Variants in MGAT4C observed in about 807,000 individuals in gnomAD.
The protein encoded by MGAT4C is MGAT4 family member C.
MGAT4C carries 19 observed loss-of-function variants against 40.1 expected under a neutral mutation model. The ratio of observed to expected loss-of-function variants is 0.47; its 90% CI spans 0.33 to 0.70. The LOEUF is 0.70. Among genes scored for constraint, MGAT4C ranks in the 30% least tolerant of loss-of-function variants. MGAT4C has a pLI of 0.02. For missense variants in MGAT4C, 491 were observed against 563.2 expected (o/e 0.87, Z 1.30); for synonymous variants, 181 against 187.1 (o/e 0.97, Z 0.27).
intron 1 of MGAT4C, among the ~76,000 whole-genome samples, chr12:86,788,419 A>T (rs1397782535): frequency 6.6e-6 from 1 of 152,002 alleles, no homozygotes; most frequent in Non-Finnish European, 1.5e-5. Flanking sequence ...GGAGAAAAAA[A>T]TGGAAGGAGC....
At chr12:86,679,602 G>A (rs1179443336) in intron 2 of MGAT4C, among the ~76,000 whole-genome samples, 1 of 152,042 alleles carries the variant, frequency 6.6e-6, no homozygotes, top group African/African-American at 2.4e-5. Flanking sequence ...GGGGCCATTT[G>A]GAGGTGATTA....
At chr12:86,063,431 T>C (rs1894196420) in intron 1 of MGAT4C, among the ~76,000 whole-genome samples, 1 of 152,074 alleles carries the variant, frequency 6.6e-6, no homozygotes. Flanking sequence ...TACCAAATTG[T>C]AAAGGTCATT....
intron 1 of MGAT4C, among the ~76,000 whole-genome samples, chr12:86,186,066 G>A (rs1465653118): frequency 6.6e-6 from 1 of 152,118 alleles, no homozygotes; most frequent in African/African-American, 2.4e-5. Flanking sequence ...TTTAGCTATG[G>A]CCAAAGGACT....
intron 2 of MGAT4C, 75 bp downstream of exon 2, chr12:86,049,599 T>A (rs1892710624): frequency 1.3e-6 from 1 of 748,472 alleles, no homozygotes; most frequent in Non-Finnish European, 1.6e-6. Context: ...CAATTTTACT[T>A]ATTAAATATT....
At chr12:86,019,654 G>C (rs1487958959) in intron 2 of MGAT4C, among the ~76,000 whole-genome samples, 1 of 152,158 alleles carries the variant, frequency 6.6e-6, no homozygotes, top group Non-Finnish European at 1.5e-5. Flanking sequence ...TTTTGGCTTA[G>C]GATAGACTTG....
At position 86,418,516 on chromosome 12, in the gene MGAT4C, G is replaced by A. The variant is rs1956762567; in HGVS notation, c.-120+16641C>T. Among the ~76,000 whole-genome samples, 3 of 151,948 alleles carry A rather than the reference G, an allele frequency of 2.0e-5. 1 individual carries two copies. The highest frequency in any genetic ancestry group is 4.2e-4 in the South Asian group (2 of 4,812). On this transcript the variant is annotated intron_variant, in intron 3 of 7. Transcript: ENST00000548651. Reference sequence around the variant, plus strand: ...CTGGCGCAGGAGAATCTCTTCAACCGGGAGGCGGAGTTTGCAGTGAGCCAA... The same window carrying A: ...CTGGCGCAGGAGAATCTCTTCAACCAGGAGGCGGAGTTTGCAGTGAGCCAA...
chr12:86,545,617 T>C (rs1396618205), intron 2 of MGAT4C, among the ~76,000 whole-genome samples: 2 of 151,940 alleles, frequency 1.3e-5, no homozygotes, highest in African/African-American at 4.8e-5. Context: ...TTTCTAAATG[T>C]TTGTTTAGGA....
At chr12:86,704,657 T>C (rs900495991) in intron 2 of MGAT4C, among the ~76,000 whole-genome samples, 1 of 152,144 alleles carries the variant, frequency 6.6e-6, no homozygotes, top group South Asian at 2.1e-4. Flanking sequence ...AATCAACTTA[T>C]AAGGCAAATT....
intron 2 of MGAT4C, among the ~76,000 whole-genome samples, chr12:86,722,984 TTG>T (rs1212829729): frequency 6.6e-6 from 1 of 152,176 alleles, no homozygotes; most frequent in Non-Finnish European, 1.5e-5. Flanking sequence ...TATTAATTAT[TTG>T]TGTTTCTTGA....
chr12:86,175,723 G>A (rs758786015), intron 1 of MGAT4C, among the ~76,000 whole-genome samples: 30 of 150,868 alleles, frequency 2.0e-4, no homozygotes, highest in Non-Finnish European at 4.0e-4. Context: ...AGGCCGAGGC[G>A]GGCGGATCAC....
chr12:85,997,288 C>T (rs1886735794), intron 2 of MGAT4C, among the ~76,000 whole-genome samples: 1 of 152,168 alleles, frequency 6.6e-6, no homozygotes, highest in African/African-American at 2.4e-5. Context: ...CTTGGTCCCT[C>T]CCTTGACACG....
chr12:86,229,945 C>T lies in MGAT4C; in HGVS notation c.-57+26294G>A, dbSNP rs1368821284. Among the ~76,000 whole-genome samples the T allele has an allele frequency of 3.3e-5, 5 of 152,084 alleles. No homozygotes were observed. The East Asian group carries it at 9.7e-4, about 29-fold the overall frequency. ...GCAGGGAGGAGAAAATGCTTCTGTT[C>T]TTCCACCACCCTCAAATTCTGCTGA... On this transcript the variant is annotated intron_variant, in intron 1 of 4. Transcript: ENST00000611864.
At chr12:86,484,548 G>A (rs1957986324) in intron 2 of MGAT4C, among the ~76,000 whole-genome samples, 1 of 152,180 alleles carries the variant, frequency 6.6e-6, no homozygotes, top group Non-Finnish European at 1.5e-5. Flanking sequence ...GATCTCGAGG[G>A]GCAAAAGGAT....
At chr12:86,096,183 C>T (rs1873877658) in intron 1 of MGAT4C, among the ~76,000 whole-genome samples, 1 of 151,644 alleles carries the variant, frequency 6.6e-6, no homozygotes, top group Non-Finnish European at 1.5e-5. Context: ...ATCATTTTTG[C>T]CTTAATGCCT....
intron 3 of MGAT4C, among the ~76,000 whole-genome samples, chr12:86,361,918 G>A (rs966521812): frequency 3.3e-5 from 5 of 152,226 alleles, no homozygotes; most frequent in African/African-American, 1.2e-4. Context: ...CATTGTGGAA[G>A]ACAGTGTGGC....
intron 2 of MGAT4C, among the ~76,000 whole-genome samples, chr12:86,635,069 C>G (rs886240895): frequency 1.3e-5 from 2 of 152,014 alleles, no homozygotes; most frequent in Admixed American, 6.6e-5. Flanking sequence ...ATCTTTGTGC[C>G]TCCTATTGCT....
At chr12:86,645,154 C>A (rs770158295) in intron 2 of MGAT4C, among the ~76,000 whole-genome samples, 68 of 151,434 alleles carry the variant, frequency 4.5e-4, no homozygotes, top group Non-Finnish European at 8.9e-4. Context: ...AAATGCATTA[C>A]ATGTATATGA....
chr12:86,277,620 C>T (rs1953108459), intron 4 of MGAT4C, among the ~76,000 whole-genome samples: 1 of 152,128 alleles, frequency 6.6e-6, no homozygotes, highest in African/African-American at 2.4e-5. Flanking sequence ...ATATGGATAT[C>T]CAGTTTCCCC....
At chr12:86,693,288 A>G (rs916565640) in intron 2 of MGAT4C, among the ~76,000 whole-genome samples, 1 of 152,202 alleles carries the variant, frequency 6.6e-6, no homozygotes, top group Admixed American at 6.5e-5. Context: ...TAATTCATTC[A>G]TTGACCAGTA....
Sources: allele counts gnomAD v4.1 joint callset (sites outside exome capture counted in the v4.1 genomes callset), GRCh38; gene constraint gnomAD v4.1.1; transcripts MANE v1.5; gene names NCBI Gene and HGNC (gene_info 2026-07-23, HGNC 2026-07-21).